Variants in CPPED1 observed in about 807,000 individuals in gnomAD.
CPPED1 encodes the protein calcineurin like phosphoesterase domain containing 1.
A neutral mutation model predicts 28.0 loss-of-function variants in CPPED1; 28 were observed. The observed-to-expected ratio is 1.00, with a 90% CI of 0.74 to 1.37. The LOEUF (loss-of-function observed/expected upper bound fraction) is 1.37. Ranked by LOEUF, CPPED1 falls within the 40% of genes most tolerant of loss-of-function variation. The pLI is 0.00. For missense variants in CPPED1, 504 were observed against 416.5 expected, an observed-to-expected ratio of 1.21 and a Z score of -1.83; for synonymous variants, 198 against 180.2, an observed-to-expected ratio of 1.10 and a Z score of -0.79.
chr16:12,795,425 C>T (rs545344813), intron 1 of CPPED1, among the ~76,000 whole-genome samples: 19 of 152,288 alleles, frequency 1.2e-4, no homozygotes, highest in African/African-American at 4.3e-4. Context: ...CTGCAAACTC[C>T]GCCTCCCAGG....
rs1245303916 is a variant in CPPED1 at position 12,803,760 on chromosome 16, G to A, written c.17C>T (p.Ala6Val). MSAAE[A>V]GGVFHRARGR... ...CCTGGCTCTGTGGAAAACACCCCCC[G>A]CCTCTGCAGCCGACATGGCGAGCGA... is the stretch of plus-strand genomic sequence containing the variant. Residue 6 changes from alanine (A) to valine (V), a missense_variant, in exon 1 of 4, where the codon GCG (alanine) becomes GTG (valine). Coordinates refer to ENST00000381774, the MANE Select transcript of CPPED1 (RefSeq NM_018340.3). 10 of 1,597,796 alleles carry A rather than the reference G, an allele frequency of 6.3e-6. No homozygotes were observed. The highest frequency in any genetic ancestry group is 1.4e-5 in the African/African-American group (1 of 73,840).
intron 3 of CPPED1, among the ~76,000 whole-genome samples, chr16:12,683,472 A>G (rs1486776194): frequency 1.3e-5 from 2 of 151,914 alleles, no homozygotes; most frequent in Non-Finnish European, 2.9e-5. Flanking sequence ...ATTCAGAATC[A>G]TTTCCCAGCC....
rs558529022 is a variant in CPPED1, at chr16:12,684,482, C to T, written c.716-19367G>A. On this transcript the variant is annotated intron_variant, in intron 3 of 3. Transcript: ENST00000381774. Reference sequence around the variant, plus strand: ...TCCACTCACTGAGCAACTCCAGTGCCAGTGCCAGTACAGGACGAGCTATTT... The same window carrying T: ...TCCACTCACTGAGCAACTCCAGTGCTAGTGCCAGTACAGGACGAGCTATTT... Among the ~76,000 whole-genome samples the T allele has an allele frequency of 2.6e-5, 4 of 152,328 alleles. No individual in the cohort carries two copies. The South Asian group carries it at 8.3e-4, about 32-fold the overall frequency.
At chr16:12,754,130 T>A (rs938605020) in intron 2 of CPPED1, among the ~76,000 whole-genome samples, 3 of 152,158 alleles carry the variant, frequency 2.0e-5, no homozygotes, top group African/African-American at 7.2e-5. Context: ...GTCCCTAAAC[T>A]GCATCTCAGT....
chr16:12,788,012 A>C (rs558382340), intron 1 of CPPED1, among the ~76,000 whole-genome samples: 1 of 152,286 alleles, frequency 6.6e-6, no homozygotes, highest in East Asian at 1.9e-4. Context: ...TGTAGGACTG[A>C]TGGCTTCAGT....
At chr16:12,770,601 T>A (rs999453018) in intron 2 of CPPED1, among the ~76,000 whole-genome samples, 1 of 152,058 alleles carries the variant, frequency 6.6e-6, no homozygotes, top group African/African-American at 2.4e-5. Context: ...GATGGGTGGA[T>A]CACCTGAGGT....
chr16:12,803,699 G>A lies in CPPED1; in HGVS notation c.70+8C>T, dbSNP rs1211498309. 1 of 1,562,142 alleles carries A rather than the reference G, an allele frequency of 6.4e-7. No individual in the cohort carries two copies. The highest frequency in any genetic ancestry group is 1.9e-5 in the Admixed American group (1 of 52,504). ...GAGTCCCCTCCCCGGGTGAGGGGCG[G>A]GCAGTACCTGCGGGAAACGCGGCCA... On this transcript the variant is annotated splice_region_variant and intron_variant, in intron 1 of 3. Transcript: ENST00000381774.
At chr16:12,800,214 G>A (rs1291640261) in intron 1 of CPPED1, among the ~76,000 whole-genome samples, 1 of 152,146 alleles carries the variant, frequency 6.6e-6, no homozygotes, top group African/African-American at 2.4e-5. Flanking sequence ...TTGGGAGGCC[G>A]AGGTGCCTGA....
At chr16:12,786,724 T>G (rs1406539290) in intron 1 of CPPED1, among the ~76,000 whole-genome samples, 1 of 152,096 alleles carries the variant, frequency 6.6e-6, no homozygotes, top group Non-Finnish European at 1.5e-5. Context: ...ATCAAGACCA[T>G]CCTGGCCAAC....
chr16:12,759,937 C>T (rs1021486038), intron 2 of CPPED1, among the ~76,000 whole-genome samples: 2 of 152,160 alleles, frequency 1.3e-5, no homozygotes, highest in Non-Finnish European at 2.9e-5. Flanking sequence ...GAAGGGAATA[C>T]CAAAGTACTG....
At chr16:12,721,292 C>G (rs1215437095) in intron 2 of CPPED1, among the ~76,000 whole-genome samples, 2 of 152,150 alleles carry the variant, frequency 1.3e-5, no homozygotes, top group African/African-American at 4.8e-5. Context: ...TTGTGTTTCT[C>G]TCTGAGGGTA....
rs1448791278 is a variant in CPPED1, at chr16:12,665,005, G to A, written c.826C>T (p.His276Tyr). Residue 276 changes from histidine (H) to tyrosine (Y), a missense_variant, in exon 4 of 4, where the codon CAC becomes TAC. His to Tyr is a moderately conservative substitution (Grantham distance 83). Coordinates refer to ENST00000381774, the MANE Select transcript of CPPED1 (RefSeq NM_018340.3). The part of the protein sequence containing the change: ...AIGCQLGRDP[H>Y]GLRVVVVTAE... ...GTGACCACCACGACTCGGAGCCCGT[G>A]GGGGTCTCTGCCCAGCTGGCATCCA... The A allele has an allele frequency of 6.2e-6, 10 of 1,611,560 alleles. No homozygotes were observed. The highest frequency in any genetic ancestry group is 1.7e-4 in the Middle Eastern group (1 of 6,052).
At chr16:12,676,911 G>A (rs1468423685) in intron 3 of CPPED1, among the ~76,000 whole-genome samples, 3 of 152,150 alleles carry the variant, frequency 2.0e-5, no homozygotes, top group Non-Finnish European at 2.9e-5. Context: ...ACGATTTAGA[G>A]ATGTTCAGTA....
In CPPED1 at chr16:12,670,023, G is replaced by A. The variant is rs2079845846; in HGVS notation, c.716-4908C>T. Among the ~76,000 whole-genome samples the A allele has an allele frequency of 6.6e-6, 1 of 152,212 alleles. No homozygotes were observed. The highest frequency in any genetic ancestry group is 6.5e-5 in the Admixed American group (1 of 15,280). On this transcript the variant is annotated intron_variant, in intron 3 of 3. Transcript: ENST00000381774. The surrounding 1 kb of genome is among the most constrained non-coding windows in gnomAD (Gnocchi z 4.2). ...ATAAAAAAATCCACGAGGCGGCCAG[G>A]CACATTGACTCATGCCTGCAATCCC...
chr16:12,798,208 G>C (rs1405300624), intron 1 of CPPED1, among the ~76,000 whole-genome samples: 3 of 152,142 alleles, frequency 2.0e-5, no homozygotes, highest in Non-Finnish European at 4.4e-5. Flanking sequence ...ATGTGTGCTG[G>C]TCACTCTATC....
At chr16:12,789,380 AG>A (rs748618347) in intron 1 of CPPED1, among the ~76,000 whole-genome samples, 1 of 152,230 alleles carries the variant, frequency 6.6e-6, no homozygotes, top group Non-Finnish European at 1.5e-5. Flanking sequence ...GGGGCAAACC[AG>A]GCCCCCACCT....
intron 3 of CPPED1, among the ~76,000 whole-genome samples, chr16:12,667,981 A>G (rs2079834405): frequency 6.6e-6 from 1 of 152,214 alleles, no homozygotes; most frequent in African/African-American, 2.4e-5. Context: ...CATAGAAAGA[A>G]CCGCAGTAAA....
intron 3 of CPPED1, among the ~76,000 whole-genome samples, chr16:12,669,724 C>T (rs1389421215): frequency 6.6e-6 from 1 of 152,156 alleles, no homozygotes; most frequent in Non-Finnish European, 1.5e-5. Context: ...ATGAGAGCAC[C>T]TAGCACTCAG....
chr16:12,739,262 G>A lies in CPPED1; in HGVS notation c.290-34213C>T, dbSNP rs185306674. On this transcript the variant is annotated intron_variant, in intron 2 of 3. Transcript: ENST00000381774. ...GAATGGACAAACAGTCCAAGCAAGT[G>A]AGTTTTTTCTACCTGTCCATTAATA... 4.7e-3 allele frequency among the ~76,000 whole-genome samples: 711 copies of A among 152,274 alleles called. 5 individuals are homozygous for A. Among genetic ancestry groups the A allele is most frequent in the Non-Finnish European group, 7.9e-3 (537 of 68,022 alleles).
Sources: allele counts gnomAD v4.1 joint callset (sites outside exome capture counted in the v4.1 genomes callset), GRCh38; gene constraint gnomAD v4.1.1; non-coding constraint Gnocchi (gnomAD v3.1); transcripts MANE v1.5; gene names NCBI Gene and HGNC (gene_info 2026-07-23, HGNC 2026-07-21).